OSTC: variants seen among roughly 807,000 people sequenced by gnomAD.
The protein encoded by OSTC is oligosaccharyltransferase complex non-catalytic subunit.
OSTC carries 16 observed loss-of-function variants against 16.4 expected under a neutral mutation model. The ratio of observed to expected loss-of-function variants is 0.98; its 90% CI spans 0.66 to 1.49. OSTC has a LOEUF of 1.49. OSTC is among the 40% of genes most tolerant of loss of function. The pLI is 0.00. For synonymous variants in OSTC, 67 were observed against 68.5 expected (o/e 0.98, Z 0.11); for missense variants, 139 against 186.3 (o/e 0.75, Z 1.48).
At chr4:108,652,237 G>T (rs200529727) in intron 1 of OSTC, 5 of 152,106 alleles carry the variant, frequency 3.3e-5, no homozygotes, top group Admixed American at 1.3e-4. Context: ...TCGCAAATTC[G>T]TGAAGCGTTC....
At chr4:108,659,972 T>A (rs1726813939) in intron 3 of OSTC, among the ~76,000 whole-genome samples, 5 of 152,184 alleles carry the variant, frequency 3.3e-5, no homozygotes, top group Admixed American at 3.3e-4. Flanking sequence ...ATTAAGAAAA[T>A]AGGTGTTATC....
At chr4:108,656,821 C>A (rs1363810265) in intron 2 of OSTC, among the ~76,000 whole-genome samples, 2 of 152,028 alleles carry the variant, frequency 1.3e-5, no homozygotes, top group Non-Finnish European at 2.9e-5. Flanking sequence ...TAACCTAGAC[C>A]GGGCGCAGTG....
At chr4:108,665,681 T>TC (rs1428258362) in intron 3 of OSTC, among the ~76,000 whole-genome samples, 1 of 151,798 alleles carries the variant, frequency 6.6e-6, no homozygotes, top group Non-Finnish European at 1.5e-5. Flanking sequence ...TGCCTCAGCC[T>TC]CCTAAGTAGC....
At chr4:108,655,176 T>A (rs1278513570) in intron 1 of OSTC, among the ~76,000 whole-genome samples, 1 of 152,146 alleles carries the variant, frequency 6.6e-6, no homozygotes, top group African/African-American at 2.4e-5. Context: ...TAAAAGTAAA[T>A]GAAACTTGGC....
At chr4:108,656,820 C>T (rs746367237) in intron 2 of OSTC, among the ~76,000 whole-genome samples, 1 of 152,134 alleles carries the variant, frequency 6.6e-6, no homozygotes, top group African/African-American at 2.4e-5. Flanking sequence ...CTAACCTAGA[C>T]CGGGCGCAGT....
At chr4:108,658,763 T>C (rs1578339971) in intron 3 of OSTC, among the ~76,000 whole-genome samples, 1 of 152,228 alleles carries the variant, frequency 6.6e-6, no homozygotes, top group East Asian at 1.9e-4. Flanking sequence ...CTTAGTGTGT[T>C]TGAATTTTAC....
intron 3 of OSTC, among the ~76,000 whole-genome samples, chr4:108,664,595 A>AT (rs1212882686): frequency 1.6e-3 from 228 of 144,056 alleles, no homozygotes; most frequent in East Asian, 6.6e-3. Context: ...TTAATTTTTA[A>AT]TTTTTTTTTT....
intron 2 of OSTC, among the ~76,000 whole-genome samples, chr4:108,656,899 A>G (rs1726720363): frequency 1.3e-5 from 2 of 152,108 alleles, no homozygotes; most frequent in African/African-American, 4.8e-5. Context: ...GGAGATTGGG[A>G]CTATCCTGGC....
intron 3 of OSTC, among the ~76,000 whole-genome samples, chr4:108,658,971 C>CTTTTTTTTTT (rs766585998): frequency 7.2e-5 from 6 of 83,910 alleles, no homozygotes; most frequent in African/African-American, 2.6e-4. Context: ...GGCAGCAGCT[C>CTTTTTTTTTT]TTTTTTTTTT....
In OSTC at chr4:108,654,825, C is replaced by G. The variant is rs374142742; in HGVS notation, c.140-739C>G. ...ATTATGAATCTCTAGTATTGCCATT[C>G]TGCCTGATGGCGTGGTTTTAAAATG... On this transcript the variant is annotated intron_variant, in intron 1 of 3. Coordinates refer to ENST00000361564, the MANE Select transcript of OSTC (RefSeq NM_021227.4). Among the ~76,000 whole-genome samples, 9 of 152,354 alleles carry G rather than the reference C, an allele frequency of 5.9e-5. No individual in the cohort carries two copies. The East Asian group carries it at 1.3e-3, about 23-fold the overall frequency.
chr4:108,652,579 T>C (rs889346685), intron 1 of OSTC, among the ~76,000 whole-genome samples: 1 of 152,172 alleles, frequency 6.6e-6, no homozygotes, highest in Middle Eastern at 3.2e-3. Context: ...ATAAACTATT[T>C]GTTGCTGACA....
chr4:108,658,427 G>T (rs1352563613), intron 3 of OSTC, among the ~76,000 whole-genome samples: 14 of 146,262 alleles, frequency 9.6e-5, no homozygotes, highest in African/African-American at 3.0e-4. Flanking sequence ...TTATATATTT[G>T]TGTGTGTGTG....
chr4:108,650,741 C>A lies in OSTC; in HGVS notation c.86C>A (p.Ser29Ter). The A allele has an allele frequency of 6.2e-7, 1 of 1,614,208 alleles. No homozygotes were observed. The highest frequency in any genetic ancestry group is 8.5e-7 in the Non-Finnish European group (1 of 1,180,034). Residue 29 changes from serine (S) to a stop codon, truncating the protein, a stop_gained, in exon 1 of 4, where the codon TCG (serine) becomes TAG (stop). Transcript: ENST00000361564. LOFTEE classifies it high-confidence loss of function. ...AAGCCGCCCTGGTTGCACATGCCGTCGGCCATGACTGTGTATGCTCTGGTG... is the reference window on the plus strand; with the variant it reads ...AAGCCGCCCTGGTTGCACATGCCGTAGGCCATGACTGTGTATGCTCTGGTG... ...LKKPPWLHMPSAMTVYALVVV... is the reference protein window; with the variant it reads ...LKKPPWLHMP
chr4:108,657,589 T>C lies in OSTC; in HGVS notation c.373T>C (p.Phe125Leu), dbSNP rs569900448. 3.7e-6 allele frequency: 6 copies of C among 1,613,812 alleles called. No individual in the cohort carries two copies. In the Admixed American group the frequency reaches 5.0e-5, roughly 13 times the overall value. The change falls in exon 3 of 4, where the codon TTC becomes CTC. Residue 125 changes from phenylalanine to leucine, a missense_variant. Coordinates refer to ENST00000361564, the MANE Select transcript of OSTC (RefSeq NM_021227.4). ...LNRFLLLFIGFVCVLLSFFMA... is the reference protein window; with the variant it reads ...LNRFLLLFIGLVCVLLSFFMA... ...TAGATTCCTTCTTCTGTTCATTGGA[T>C]TCGTCTGTGTCCTATTGAGTTTTTT... is the stretch of plus-strand genomic sequence containing the variant.
chr4:108,651,018 C>T (rs1726525169), intron 1 of OSTC: 3 of 554,300 alleles, frequency 5.4e-6, no homozygotes, highest in African/African-American at 3.8e-5. Flanking sequence ...CATTGCCTTT[C>T]TTCTCCTTCT....
intron 1 of OSTC, among the ~76,000 whole-genome samples, chr4:108,653,859 A>G (rs1281685286): frequency 6.6e-6 from 1 of 152,184 alleles, no homozygotes. Context: ...ATGTAATTCT[A>G]ATGGTACTGG....
At chr4:108,663,401 T>C (rs1726912767) in intron 3 of OSTC, 1 of 333,070 alleles carries the variant, frequency 3.0e-6, no homozygotes, top group Non-Finnish European at 5.9e-6. Flanking sequence ...TTAGTAGAGA[T>C]GGGGTTTCAC....
chr4:108,654,801 T>C (rs149364270), intron 1 of OSTC, among the ~76,000 whole-genome samples: 2 of 152,376 alleles, frequency 1.3e-5, no homozygotes, highest in African/African-American at 4.8e-5. Context: ...ATGTTAATGA[T>C]TATGAATCTC....
At position 108,650,650 on chromosome 4, in the gene OSTC, A is replaced by T; in HGVS notation, c.-6A>T. ...GAGGCCGAGAACGGCCCTTGCTGCC[A>T]CCAACATGGAGACTTTGTACCGTGT... On this transcript the variant is annotated 5_prime_UTR_variant, in exon 1 of 4. Coordinates refer to ENST00000361564, the MANE Select transcript of OSTC (RefSeq NM_021227.4). 6 of 1,614,064 alleles carry T rather than the reference A, an allele frequency of 3.7e-6. No individual in the cohort carries two copies. Among genetic ancestry groups the T allele is most frequent in the Non-Finnish European group, 4.2e-6 (5 of 1,179,910 alleles).
Sources: allele counts gnomAD v4.1 joint callset (sites outside exome capture counted in the v4.1 genomes callset), GRCh38; gene constraint gnomAD v4.1.1; transcripts MANE v1.5; gene names NCBI Gene and HGNC (gene_info 2026-07-23, HGNC 2026-07-21).